Variants in APP observed in about 807,000 individuals in gnomAD.
The protein encoded by APP is amyloid-beta precursor protein.
A neutral mutation model predicts 101.4 loss-of-function variants in APP; 31 were observed. That is an observed-to-expected ratio of 0.31 (90% confidence interval 0.23 to 0.41). The LOEUF is 0.41. APP is among the 10% of genes least tolerant of loss of function. APP has a pLI of 1.00. For missense variants in APP, 839 were observed against 1,003.7 expected, an observed-to-expected ratio of 0.84 and a Z score of 2.22; for synonymous variants, 366 against 364.4, an observed-to-expected ratio of 1.00 and a Z score of -0.05.
At chr21:25,908,865 A>G (rs396969) in intron 14 of APP, among the ~76,000 whole-genome samples, 138,709 of 152,198 alleles carry the variant, frequency 0.91, 63,261 homozygotes, top group Non-Finnish European at 0.92. Flanking sequence ...GCTCAGAAGC[A>G]CATAGCAGGG....
intron 1 of APP, among the ~76,000 whole-genome samples, chr21:26,138,084 T>C (rs1165252895): frequency 6.6e-6 from 1 of 152,212 alleles, no homozygotes; most frequent in East Asian, 1.9e-4. Context: ...TAATATCCAG[T>C]GGCCTTTCTC....
intron 5 of APP, 66 bp from the exon 6 acceptor site, chr21:26,022,108 G>C: frequency 6.3e-7 from 1 of 1,574,854 alleles, no homozygotes; most frequent in South Asian, 1.1e-5. Context: ...GAAAAGAAAA[G>C]TCGTCCATAT....
At chr21:25,910,241 C>T (rs994992992) in intron 14 of APP, among the ~76,000 whole-genome samples, 13 of 152,214 alleles carry the variant, frequency 8.5e-5, no homozygotes, top group African/African-American at 3.1e-4. Flanking sequence ...CATTCTCCTG[C>T]CTCAGCCTCC....
At chr21:25,943,398 C>A (rs1442033402) in intron 13 of APP, among the ~76,000 whole-genome samples, 1 of 151,114 alleles carries the variant, frequency 6.6e-6, no homozygotes, top group African/African-American at 2.4e-5. Context: ...GTGATCTGCC[C>A]ACCTCGGCCT....
At chr21:25,907,458 C>T (rs116083212) in intron 14 of APP, among the ~76,000 whole-genome samples, 4,440 of 152,304 alleles carry the variant, frequency 0.029, 209 homozygotes, top group African/African-American at 0.1. Context: ...TTGACCTTTA[C>T]TTAACCAGAC....
intron 6 of APP, among the ~76,000 whole-genome samples, chr21:26,010,712 T>A (rs1179387559): frequency 6.9e-6 from 1 of 145,428 alleles, no homozygotes; most frequent in Admixed American, 7.2e-5. Context: ...TCCCAGCTAC[T>A]TGGGAGGCTG....
At chr21:25,917,802 AG>A (rs2039425655) in intron 13 of APP, among the ~76,000 whole-genome samples, 1 of 152,164 alleles carries the variant, frequency 6.6e-6, no homozygotes, top group African/African-American at 2.4e-5. Flanking sequence ...AGAATCTACA[AG>A]GAACTTAAAC....
rs192494349 is a variant in APP at position 26,029,081 on chromosome 21, C to T, written c.663-7039G>A. 3.5e-3 allele frequency among the ~76,000 whole-genome samples: 526 copies of T among 151,982 alleles called. 3 individuals carry two copies. The highest frequency in any genetic ancestry group is 0.012 in the African/African-American group (497 of 41,474). On this transcript the variant is annotated intron_variant, in intron 5 of 17. Coordinates refer to ENST00000346798, the MANE Select transcript of APP (RefSeq NM_000484.4). ...CCCAGGTGTGAGGAAGAGATTAGCA[C>T]GTTCAGCAAAAACAACAAAGGGCCA...
At chr21:25,910,316 C>G (rs150569021) in intron 14 of APP, among the ~76,000 whole-genome samples, 2,418 of 151,894 alleles carry the variant, frequency 0.016, 61 homozygotes, top group African/African-American at 0.055. Context: ...ATTTTTAGTA[C>G]AGACGGGGTT....
In APP at chr21:26,074,226, T is replaced by C. The variant is rs148672998; in HGVS notation, c.355+15717A>G. Among the ~76,000 whole-genome samples the C allele has an allele frequency of 2.6e-5, 4 of 152,284 alleles. No individual in the cohort carries two copies. In the East Asian group the frequency reaches 7.7e-4, roughly 29 times the overall value. Reference sequence around the variant, plus strand: ...AAGAGAATGCCCCCCAAATTTTTCATGGCATGAAAATACTTAAAGGTTTAA... The same window carrying C: ...AAGAGAATGCCCCCCAAATTTTTCACGGCATGAAAATACTTAAAGGTTTAA... On this transcript the variant is annotated intron_variant, in intron 3 of 17. Coordinates refer to ENST00000346798, the MANE Select transcript of APP (RefSeq NM_000484.4).
intron 13 of APP, chr21:25,934,431 T>C (rs1160945596): frequency 6.6e-6 from 1 of 152,166 alleles, no homozygotes; most frequent in Non-Finnish European, 1.5e-5. Context: ...TATACTGGAA[T>C]AGAATGTGGT....
chr21:26,027,312 A>G (rs963878346), intron 5 of APP, among the ~76,000 whole-genome samples: 7 of 152,224 alleles, frequency 4.6e-5, no homozygotes, highest in African/African-American at 1.7e-4. Flanking sequence ...CAGAAGAGAG[A>G]GAAAATACAG....
intron 2 of APP, among the ~76,000 whole-genome samples, chr21:26,106,676 G>C (rs987610320): frequency 6.6e-6 from 1 of 152,184 alleles, no homozygotes; most frequent in African/African-American, 2.4e-5. Context: ...TGCAACTAGT[G>C]CTTAGGATGG....
chr21:26,062,225 A>AG (rs1414363923), intron 3 of APP, among the ~76,000 whole-genome samples: 1 of 102,206 alleles, frequency 9.8e-6, no homozygotes, highest in Non-Finnish European at 2.1e-5. Context: ...ACAAACAAAC[A>AG]AACAAACACA....
At chr21:25,936,836 G>A (rs529461596) in intron 13 of APP, among the ~76,000 whole-genome samples, 2 of 152,276 alleles carry the variant, frequency 1.3e-5, no homozygotes, top group Admixed American at 6.5e-5. Flanking sequence ...GGTCAGAATA[G>A]CTTTTTCTAG....
intron 15 of APP, among the ~76,000 whole-genome samples, 187 bp downstream of exon 15, chr21:25,904,837 G>A (rs990560728): frequency 1.3e-5 from 2 of 152,060 alleles, no homozygotes; most frequent in South Asian, 2.1e-4. Context: ...CATTTCACTC[G>A]GAACTTGGGA....
chr21:25,925,257 T>C (rs1445240715), intron 13 of APP, among the ~76,000 whole-genome samples: 1 of 152,344 alleles, frequency 6.6e-6, no homozygotes, highest in South Asian at 2.1e-4. Context: ...GTTCTGTGCA[T>C]GTCTGATTCT....
chr21:25,905,981 T>C (rs539158571), intron 14 of APP, among the ~76,000 whole-genome samples: 2 of 152,282 alleles, frequency 1.3e-5, no homozygotes, highest in Admixed American at 6.5e-5. Flanking sequence ...GAAGCTGCTT[T>C]GGTAAGGTGG....
At chr21:26,068,780 GCT>G (rs1005263241) in intron 3 of APP, among the ~76,000 whole-genome samples, 8 of 152,004 alleles carry the variant, frequency 5.3e-5, no homozygotes, top group Admixed American at 5.2e-4. Flanking sequence ...ATAAAGTAAG[GCT>G]CTGTCTTCTA....
Sources: allele counts gnomAD v4.1 joint callset (sites outside exome capture counted in the v4.1 genomes callset), GRCh38; gene constraint gnomAD v4.1.1; transcripts MANE v1.5; gene names NCBI Gene and HGNC (gene_info 2026-07-23, HGNC 2026-07-21).